The following DLC1 variants were observed in gnomAD, a reference collection of about 807,000 sequenced individuals.
DLC1 encodes rho GTPase-activating protein 7.
In DLC1, 54 loss-of-function variants were observed where a neutral mutation model predicts 140.3. The observed-to-expected ratio is 0.38, with a 90% CI of 0.31 to 0.48. DLC1 has a LOEUF of 0.48. Among genes scored for constraint, DLC1 ranks in the 20% least tolerant of loss-of-function variants. The pLI is 0.96. For missense variants in DLC1, 2,536 were observed against 1,907.0 expected (o/e 1.33, Z -6.14); for synonymous variants, 986 against 728.1 (o/e 1.35, Z -5.70).
intron 1 of DLC1, among the ~76,000 whole-genome samples, chr8:13,537,682 C>G (rs926749864): frequency 8.4e-6 from 1 of 119,600 alleles, no homozygotes; most frequent in Non-Finnish European, 1.6e-5. Flanking sequence ...GAGACGGAGT[C>G]TCTCTCTGTC....
chr8:13,511,616 C>T (rs896081140), intron 1 of DLC1, among the ~76,000 whole-genome samples: 1 of 152,108 alleles, frequency 6.6e-6, no homozygotes, highest in Admixed American at 6.5e-5. Context: ...GTTGTTTATG[C>T]AAGGGGCTTA....
At chr8:13,132,902 C>G (rs778257098) in intron 5 of DLC1, 1 of 1,564,874 alleles carries the variant, frequency 6.4e-7, no homozygotes, top group Non-Finnish European at 8.7e-7. Context: ...CCGCAGCCCG[C>G]TCCCGCGGCC....
chr8:13,524,814 T>C (rs1208021732), intron 1 of DLC1, among the ~76,000 whole-genome samples: 8 of 152,206 alleles, frequency 5.3e-5, no homozygotes, highest in Non-Finnish European at 1.2e-4. Context: ...ATTTCTCTTA[T>C]GTATTTTACC....
intron 1 of DLC1, among the ~76,000 whole-genome samples, chr8:13,544,549 C>G (rs1324878647): frequency 6.6e-5 from 10 of 152,016 alleles, no homozygotes. Context: ...AAAGAACAGA[C>G]AAAAGAACTG....
At chr8:13,237,889 T>G (rs927054116) in intron 5 of DLC1, among the ~76,000 whole-genome samples, 1 of 147,920 alleles carries the variant, frequency 6.8e-6, no homozygotes, top group African/African-American at 2.5e-5. Flanking sequence ...AATACATATA[T>G]TGAAAGAAAG....
rs73560583 is a variant in DLC1, at chr8:13,294,440, C to T, written c.1348+10829G>A. 9.9e-3 allele frequency among the ~76,000 whole-genome samples: 1,511 copies of T among 152,180 alleles called. 23 individuals carry two copies. Among genetic ancestry groups the T allele is most frequent in the African/African-American group, 0.034 (1,420 of 41,504 alleles). On this transcript the variant is annotated intron_variant, in intron 5 of 17. Coordinates refer to ENST00000276297, the MANE Select transcript of DLC1 (RefSeq NM_182643.3). ...TTGATGTGCTATAGTTATATCATTT[C>T]GGAAAGCATGAAATTAATGTGAGCA...
At chr8:13,328,258 C>A (rs1474540805) in intron 4 of DLC1, among the ~76,000 whole-genome samples, 1 of 152,158 alleles carries the variant, frequency 6.6e-6, no homozygotes, top group Non-Finnish European at 1.5e-5. Flanking sequence ...GTAGAGATGG[C>A]ATTGACAGGT....
At chr8:13,388,319 C>T (rs917271172) in intron 4 of DLC1, among the ~76,000 whole-genome samples, 3 of 151,902 alleles carry the variant, frequency 2.0e-5, no homozygotes, top group African/African-American at 4.8e-5. Flanking sequence ...AAAAGGTGCC[C>T]ATTAACCTTT....
chr8:13,522,395 C>T (rs532823760), intron 1 of DLC1, among the ~76,000 whole-genome samples: 3 of 152,068 alleles, frequency 2.0e-5, no homozygotes, highest in East Asian at 1.9e-4. Context: ...GAGGCTGAGG[C>T]GGGAAGTTCA....
At chr8:13,258,514 G>A (rs577342056) in intron 5 of DLC1, among the ~76,000 whole-genome samples, 12 of 152,228 alleles carry the variant, frequency 7.9e-5, no homozygotes, top group Admixed American at 5.2e-4. Context: ...AGAACACAAT[G>A]GACTTTGGAT....
rs1312383327 is a variant in DLC1 at position 13,590,761 on chromosome 8, T to C, written c.-126+13776A>G. ...ATAGCTTCATGCCTAATTATGCCATTATTTAAAAGTTCTATAATTTATTTA... is the reference window on the plus strand; with the variant it reads ...ATAGCTTCATGCCTAATTATGCCATCATTTAAAAGTTCTATAATTTATTTA... On this transcript the variant is annotated intron_variant, in intron 1 of 1. Transcript: ENST00000631382. Among the ~76,000 whole-genome samples the C allele has an allele frequency of 5.3e-5, 8 of 152,258 alleles. No individual in the cohort carries two copies. In the East Asian group the frequency reaches 1.5e-3, roughly 29 times the overall value.
chr8:13,340,060 G>C (rs979472207), intron 4 of DLC1: 1 of 152,224 alleles, frequency 6.6e-6, no homozygotes, highest in Non-Finnish European at 1.5e-5. Context: ...TCTGAGTGGG[G>C]TGGGCTTGGG....
At chr8:13,453,760 T>C (rs1442735135) in intron 2 of DLC1, among the ~76,000 whole-genome samples, 1 of 151,352 alleles carries the variant, frequency 6.6e-6, no homozygotes, top group African/African-American at 2.4e-5. Flanking sequence ...TTGTTATAAT[T>C]GTAGAACTAC....
At position 13,401,484 on chromosome 8, in the gene DLC1, G is replaced by T. The variant is rs777009688; in HGVS notation, c.1159C>A (p.Arg387=). 6.2e-7 allele frequency: 1 copy of T among 1,612,354 alleles called. No homozygotes were observed. The highest frequency in any genetic ancestry group is 8.5e-7 in the Non-Finnish European group (1 of 1,179,966). Residue 387 remains arginine (R), a synonymous_variant, in exon 3 of 18, where the codon CGG becomes AGG. Coordinates refer to ENST00000276297, the MANE Select transcript of DLC1 (RefSeq NM_182643.3). ...SSPSGTPTNL[R]RHVPDLESGS... ...GGAAAGCTCACAGGAACGTGCCGCC[G>T]CAGGTTTGTTGGTGTGCCTGATGGA...
intron 2 of DLC1, among the ~76,000 whole-genome samples, chr8:13,479,027 C>G (rs1800564394): frequency 6.6e-6 from 1 of 152,196 alleles, no homozygotes; most frequent in African/African-American, 2.4e-5. Flanking sequence ...TTTCACCCAG[C>G]TTCTAGGATT....
chr8:13,119,513 G>T (rs1820854767), intron 5 of DLC1, among the ~76,000 whole-genome samples: 1 of 152,148 alleles, frequency 6.6e-6, no homozygotes, highest in Non-Finnish European at 1.5e-5. Context: ...TTTACTGAGT[G>T]CTTAATACGC....
chr8:13,437,015 C>G (rs1839150419), intron 2 of DLC1, among the ~76,000 whole-genome samples: 1 of 152,168 alleles, frequency 6.6e-6, no homozygotes, highest in Non-Finnish European at 1.5e-5. Context: ...GTCATGTACC[C>G]TAAAACATTA....
chr8:13,158,144 C>G (rs1000154616), intron 5 of DLC1, among the ~76,000 whole-genome samples: 1 of 152,132 alleles, frequency 6.6e-6, no homozygotes, highest in African/African-American at 2.4e-5. Flanking sequence ...ATCTGTGTGT[C>G]ATATAAAAGC....
chr8:13,128,231 T>A (rs1451765863), intron 5 of DLC1, among the ~76,000 whole-genome samples: 1 of 152,202 alleles, frequency 6.6e-6, no homozygotes, highest in African/African-American at 2.4e-5. Context: ...GAGAAAAGTT[T>A]CCTTTAGAAA....
Sources: gnomAD v4.1 joint callset for allele counts (sites outside exome capture counted in the v4.1 genomes callset) on GRCh38, gnomAD v4.1.1 for gene constraint, MANE v1.5 for transcripts, NCBI Gene and HGNC (gene_info 2026-07-23, HGNC 2026-07-21) for gene names.